CCDC7: variants seen among roughly 807,000 people sequenced by gnomAD.
The protein encoded by CCDC7 is coiled-coil domain-containing protein 7.
A neutral mutation model predicts 196.9 loss-of-function variants in CCDC7; 183 were observed. That is an observed-to-expected ratio of 0.93 (90% CI 0.82 to 1.05). The LOEUF is 1.05. CCDC7 is among the 50% of genes least tolerant of loss of function. The pLI, the probability that CCDC7 is intolerant of heterozygous loss-of-function variation, is 0.00. For missense variants in CCDC7, 1,540 were observed against 1,482.2 expected, an observed-to-expected ratio of 1.04 and a Z score of -0.64; for synonymous variants, 525 against 484.6, an observed-to-expected ratio of 1.08 and a Z score of -1.10.
intron 18 of CCDC7, among the ~76,000 whole-genome samples, chr10:32,612,231 G>A (rs1457628375): frequency 6.6e-6 from 1 of 152,018 alleles, no homozygotes; most frequent in Non-Finnish European, 1.5e-5. Context: ...GTCTATTCTT[G>A]GTGTATAGGA....
intron 29 of CCDC7, among the ~76,000 whole-genome samples, chr10:32,798,480 A>T (rs1242416570): frequency 6.6e-6 from 1 of 152,182 alleles, no homozygotes; most frequent in Admixed American, 6.5e-5. Flanking sequence ...TCTCCACTTG[A>T]TTATTAAAGT....
At chr10:32,537,273 A>G (rs116954652) in intron 11 of CCDC7, among the ~76,000 whole-genome samples, 6,311 of 152,078 alleles carry the variant, frequency 0.041, 133 homozygotes, top group Middle Eastern at 0.065. Flanking sequence ...CATTTTTTGT[A>G]TGTTTGTTGG....
At chr10:32,711,197 T>C (rs1009953760) in intron 24 of CCDC7, among the ~76,000 whole-genome samples, 3 of 151,812 alleles carry the variant, frequency 2.0e-5, no homozygotes, top group Non-Finnish European at 4.4e-5. Context: ...TATATATACA[T>C]ATAACTGTGT....
intron 23 of CCDC7, among the ~76,000 whole-genome samples, chr10:32,691,885 C>T (rs2077130897): frequency 6.6e-6 from 1 of 152,186 alleles, no homozygotes; most frequent in Non-Finnish European, 1.5e-5. Context: ...AAATAGTTCC[C>T]AACTGAGGAA....
In CCDC7 at chr10:32,456,200, T is replaced by C. The variant is rs540057102; in HGVS notation, c.373-51T>C. The stretch of plus-strand genomic sequence containing the variant: ...TAAATATGCTAGAAAAAGACAGACA[T>C]GCATATGGATTCTTAAATGTAACTT... On this transcript the variant is annotated intron_variant, in intron 2 of 41. Coordinates refer to ENST00000639629, the Ensembl canonical transcript of CCDC7. 2.5e-5 allele frequency: 35 copies of C among 1,399,734 alleles called. No homozygotes were observed. In the South Asian group the frequency reaches 3.6e-4, roughly 14 times the overall value. 86.7% of individuals were successfully genotyped at this position (1,399,734 alleles called of 1,614,324 possible).
chr10:32,553,908 C>CA (rs2053916274), intron 13 of CCDC7, among the ~76,000 whole-genome samples: 1 of 152,156 alleles, frequency 6.6e-6, no homozygotes, highest in African/African-American at 2.4e-5. Flanking sequence ...CCTTTGTCTT[C>CA]CCCTACCAGG....
chr10:32,702,078 C>A (rs561848923), intron 24 of CCDC7, among the ~76,000 whole-genome samples: 150 of 152,160 alleles, frequency 9.9e-4, no homozygotes, highest in South Asian at 1.2e-3. Context: ...AATGTGTTTG[C>A]TCTTGCTTTT....
chr10:32,534,067 C>A (rs1348426120), intron 11 of CCDC7, among the ~76,000 whole-genome samples: 1 of 152,024 alleles, frequency 6.6e-6, no homozygotes, highest in Non-Finnish European at 1.5e-5. Flanking sequence ...TTTTCTATAT[C>A]TTGAAGGTAA....
intron 9 of CCDC7, among the ~76,000 whole-genome samples, chr10:32,497,033 G>C (rs894288345): frequency 7.2e-5 from 11 of 151,988 alleles, no homozygotes; most frequent in Admixed American, 5.9e-4. Context: ...GACTTTTTTT[G>C]GTTGGCAGGC....
chr10:32,560,762 AC>A (rs2055392747), intron 13 of CCDC7, among the ~76,000 whole-genome samples: 1 of 5,502 alleles, frequency 1.8e-4, no homozygotes, highest in Admixed American at 3.9e-3. Flanking sequence ...AACTGCATCA[AC>A]TAACGAGCAA....
At chr10:32,560,639 C>G (rs1340960138) in intron 13 of CCDC7, among the ~76,000 whole-genome samples, 3 of 151,792 alleles carry the variant, frequency 2.0e-5, no homozygotes, top group Admixed American at 6.6e-5. Context: ...TTTGTCACCA[C>G]CAGGCCTGCC....
intron 18 of CCDC7, among the ~76,000 whole-genome samples, chr10:32,633,189 G>A (rs149671104): frequency 6.8e-6 from 1 of 147,134 alleles, no homozygotes; most frequent in East Asian, 2.0e-4. Context: ...TACACACAGG[G>A]CTCCTCAGTT....
At chr10:32,739,192 G>A (rs373596680) in intron 28 of CCDC7, among the ~76,000 whole-genome samples, 34 of 151,624 alleles carry the variant, frequency 2.2e-4, no homozygotes, top group African/African-American at 3.1e-4. Flanking sequence ...ATTAATTTTC[G>A]AAAATTCTTA....
intron 11 of CCDC7, among the ~76,000 whole-genome samples, chr10:32,541,207 A>G (rs17296156): frequency 0.039 from 5,898 of 152,212 alleles, 121 homozygotes; most frequent in Middle Eastern, 0.051. Flanking sequence ...TAGAAGCTCT[A>G]GCAGGCATGG....
intron 21 of CCDC7, among the ~76,000 whole-genome samples, chr10:32,669,095 A>T (rs1274361047): frequency 6.6e-6 from 1 of 151,838 alleles, no homozygotes; most frequent in Non-Finnish European, 1.5e-5. Flanking sequence ...CTGGTTTAAA[A>T]TTTTTATTTT....
At chr10:32,824,765 A>G (rs2090869643) in intron 32 of CCDC7, among the ~76,000 whole-genome samples, 161 bp downstream of exon 33, 1 of 152,198 alleles carries the variant, frequency 6.6e-6, no homozygotes, top group Admixed American at 6.5e-5. Flanking sequence ...ATTATTCTCA[A>G]TAGAAAATTA....
intron 28 of CCDC7, among the ~76,000 whole-genome samples, chr10:32,775,234 A>C (rs1335055882): frequency 2.0e-5 from 3 of 152,198 alleles, no homozygotes. Flanking sequence ...ATTATCTCTT[A>C]GTATTCTCCA....
intron 18 of CCDC7, among the ~76,000 whole-genome samples, chr10:32,598,933 G>A (rs2060707120): frequency 6.6e-6 from 1 of 152,104 alleles, no homozygotes; most frequent in South Asian, 2.1e-4. Flanking sequence ...GTCCAGTTGG[G>A]CTATCATGTT....
intron 20 of CCDC7, among the ~76,000 whole-genome samples, chr10:32,660,656 G>A (rs1342021463): frequency 1.3e-5 from 2 of 150,924 alleles, no homozygotes; most frequent in African/African-American, 2.4e-5. Flanking sequence ...TGGGATGGCT[G>A]GGTCAAATGG....
Sources: gnomAD v4.1 joint callset for allele counts (sites outside exome capture counted in the v4.1 genomes callset) on GRCh38, gnomAD v4.1.1 for gene constraint, MANE v1.5 for transcripts, NCBI Gene and HGNC (gene_info 2026-07-23, HGNC 2026-07-21) for gene names.